NTSR1: variants seen among roughly 807,000 people sequenced by gnomAD.
NTSR1 encodes neurotensin receptor 1.
In NTSR1, 29 loss-of-function variants were observed where a neutral mutation model predicts 31.2. That is an observed-to-expected ratio of 0.93 (90% CI 0.69 to 1.27). The LOEUF is 1.27. Among genes scored for constraint, NTSR1 ranks in the 50% most tolerant of loss-of-function variants. The pLI, the probability that NTSR1 is intolerant of heterozygous loss-of-function variation, is 0.00. For missense variants in NTSR1, 697 were observed against 595.4 expected (o/e 1.17, Z -1.78); for synonymous variants, 282 against 269.9 (o/e 1.04, Z -0.44).
intron 1 of NTSR1, among the ~76,000 whole-genome samples, chr20:62,746,961 T>C (rs915585769): frequency 2.0e-5 from 3 of 152,180 alleles, no homozygotes; most frequent in African/African-American, 7.2e-5. Context: ...AAGGACGCTA[T>C]GAGAAAAGAA....
intron 2 of NTSR1, among the ~76,000 whole-genome samples, chr20:62,757,916 C>G (rs1362720777): frequency 6.6e-6 from 1 of 151,904 alleles, no homozygotes; most frequent in Non-Finnish European, 1.5e-5. Flanking sequence ...ATGTCTCCCC[C>G]ACTGAGCCCA....
rs1989018828 is a variant in NTSR1 at position 62,732,662 on chromosome 20, C to G, written c.715-22023C>G. 1.3e-5 allele frequency: 2 copies of G among 152,190 alleles called. No homozygotes were observed. Among genetic ancestry groups the G allele is most frequent in the Admixed American group, 1.3e-4 (2 of 15,276 alleles). The allele number at this position is 152,190 out of a possible 1,614,324, so 9.4% of individuals were successfully genotyped here. ...ATCTGTGTTCATGAGACATCCTGGT[C>G]TGCGTTTTCCTTTCTTGTAACATCC... On this transcript the variant is annotated intron_variant, in intron 1 of 3. Coordinates refer to ENST00000370501, the MANE Select transcript of NTSR1 (RefSeq NM_002531.3). The surrounding 1 kb of genome is among the most constrained non-coding windows in gnomAD (Gnocchi z 4.0).
intron 1 of NTSR1, among the ~76,000 whole-genome samples, chr20:62,734,927 G>A (rs903642427): frequency 4.6e-5 from 7 of 152,166 alleles, no homozygotes; most frequent in Non-Finnish European, 7.3e-5. Context: ...TGTGCTGCCC[G>A]AGCCCCTCCC....
rs532213847 is a variant in NTSR1 at position 62,714,512 on chromosome 20, C to T, written c.714+4591C>T. On this transcript the variant is annotated intron_variant, in intron 1 of 3. Coordinates refer to ENST00000370501, the MANE Select transcript of NTSR1 (RefSeq NM_002531.3). The surrounding 1 kb of genome is among the most constrained non-coding windows in gnomAD (Gnocchi z 4.1). ...AATGGATGTAGGCATGGATTCTTGA[C>T]AGCTGCTGGGGTCACGAAGGGGAGA... Among the ~76,000 whole-genome samples the T allele has an allele frequency of 5.9e-5, 9 of 152,300 alleles. No individual in the cohort carries two copies. The highest frequency in any genetic ancestry group is 1.9e-4 in the African/African-American group (8 of 41,572).
rs1359368785 is a variant in NTSR1 at position 62,745,927 on chromosome 20, G to A, written c.715-8758G>A. Among the ~76,000 whole-genome samples, 4 of 152,356 alleles carry A rather than the reference G, an allele frequency of 2.6e-5. No homozygotes were observed. The highest frequency in any genetic ancestry group is 3.9e-4 in the East Asian group (2 of 5,180). ...TAGAGACAAATCGAAAGGCGCCAGG[G>A]TGCTGTGGCATCAGTGGCGCTGAGG... On this transcript the variant is annotated intron_variant, in intron 1 of 3. Transcript: ENST00000370501. The surrounding 1 kb of genome is among the most constrained non-coding windows in gnomAD (Gnocchi z 4.1).
chr20:62,746,796 C>T (rs190723140), intron 1 of NTSR1, among the ~76,000 whole-genome samples: 1 of 152,246 alleles, frequency 6.6e-6, no homozygotes, highest in African/African-American at 2.4e-5. Context: ...AAAAGAAAAC[C>T]CCAGGGCAGG....
At chr20:62,756,093 G>A (rs961704232) in intron 2 of NTSR1, among the ~76,000 whole-genome samples, 5 of 151,838 alleles carry the variant, frequency 3.3e-5, no homozygotes, top group African/African-American at 7.3e-5. Context: ...AGAGGCAGGG[G>A]CATCCCTGCA....
At chr20:62,759,394 C>T (rs903848993) in intron 3 of NTSR1, among the ~76,000 whole-genome samples, 9 of 152,162 alleles carry the variant, frequency 5.9e-5, no homozygotes, top group African/African-American at 2.2e-4. Context: ...GCCCTGGACC[C>T]TTGGATGCAC....
chr20:62,751,067 G>A (rs1989386735), intron 1 of NTSR1, among the ~76,000 whole-genome samples: 1 of 152,024 alleles, frequency 6.6e-6, no homozygotes. Context: ...TGTAGAGATG[G>A]GGTCTCACTG....
At chr20:62,757,504 A>C (rs987129302) in intron 2 of NTSR1, among the ~76,000 whole-genome samples, 6 of 152,194 alleles carry the variant, frequency 3.9e-5, no homozygotes, top group African/African-American at 1.4e-4. Flanking sequence ...TTATTTTCTT[A>C]CAAGATTGTT....
intron 1 of NTSR1, among the ~76,000 whole-genome samples, chr20:62,749,102 G>A (rs142765567): frequency 1.8e-3 from 275 of 152,306 alleles, no homozygotes; most frequent in African/African-American, 6.2e-3. Context: ...GGAAAAAGCA[G>A]TCTCCTCAAA....
intron 1 of NTSR1, among the ~76,000 whole-genome samples, chr20:62,748,223 T>C (rs966895682): frequency 7.5e-6 from 1 of 132,718 alleles, no homozygotes; most frequent in African/African-American, 2.8e-5. Context: ...TCAAAAAGAG[T>C]AAATTTAATC....
intron 1 of NTSR1, among the ~76,000 whole-genome samples, chr20:62,728,435 G>A (rs569227320): frequency 3.2e-4 from 49 of 152,286 alleles, no homozygotes; most frequent in African/African-American, 1.1e-3. Context: ...AGACGTCCCC[G>A]CAGGAGGGGA....
At chr20:62,759,192 G>A (rs1458711238) in intron 3 of NTSR1, among the ~76,000 whole-genome samples, 1 of 152,208 alleles carries the variant, frequency 6.6e-6, no homozygotes, top group Non-Finnish European at 1.5e-5. Flanking sequence ...GGAGGAGAAG[G>A]CACGGGGAAC....
At chr20:62,746,681 T>C (rs915536949) in intron 1 of NTSR1, among the ~76,000 whole-genome samples, 1 of 152,300 alleles carries the variant, frequency 6.6e-6, no homozygotes, top group Middle Eastern at 3.4e-3. Context: ...AATGGATACA[T>C]TCCTAGAAAC....
intron 1 of NTSR1, among the ~76,000 whole-genome samples, chr20:62,747,175 T>C (rs575194361): frequency 2.1e-4 from 32 of 152,344 alleles, no homozygotes; most frequent in Non-Finnish European, 3.7e-4. Flanking sequence ...GAAAAAGCAT[T>C]TGACAAAACT....
intron 1 of NTSR1, among the ~76,000 whole-genome samples, chr20:62,746,438 A>T (rs1273206676): frequency 1.3e-5 from 2 of 152,180 alleles, no homozygotes; most frequent in African/African-American, 4.8e-5. Flanking sequence ...TCTCCTCCCC[A>T]GGATCCAAGA....
rs578056188 is a variant in NTSR1, at chr20:62,745,701, A to T, written c.715-8984A>T. Among the ~76,000 whole-genome samples the T allele has an allele frequency of 3.9e-5, 6 of 152,360 alleles. No homozygotes were observed. The highest frequency in any genetic ancestry group is 1.4e-4 in the African/African-American group (6 of 41,596). On this transcript the variant is annotated intron_variant, in intron 1 of 3. Transcript: ENST00000370501. This position sits in a 1 kb window ranked among gnomAD's most constrained non-coding sequence, Gnocchi z 4.1. The stretch of plus-strand genomic sequence containing the variant: ...CATATTCTGCCTCGCCTCCAAATCC[A>T]GCTTGGCGTGGACCTCGCTGGGACT...
chr20:62,730,746 G>A (rs765229998), intron 1 of NTSR1, among the ~76,000 whole-genome samples: 10 of 152,230 alleles, frequency 6.6e-5, no homozygotes, highest in African/African-American at 2.4e-4. Flanking sequence ...CCTTGCCAGC[G>A]TTTGGTGTCG....
Sources: allele counts gnomAD v4.1 joint callset (sites outside exome capture counted in the v4.1 genomes callset), GRCh38; gene constraint gnomAD v4.1.1; non-coding constraint Gnocchi (gnomAD v3.1); transcripts MANE v1.5; gene names NCBI Gene and HGNC (gene_info 2026-07-23, HGNC 2026-07-21).